Variants in DCDC1 observed in about 807,000 individuals in gnomAD.
The protein encoded by DCDC1 is doublecortin domain containing 1, also known as doublecortin domain-containing protein 1.
DCDC1 carries 200 observed loss-of-function variants against 178.3 expected under a neutral mutation model. The ratio of observed to expected loss-of-function variants is 1.12; its 90% CI spans 1.00 to 1.26. The LOEUF is 1.26. DCDC1 is among the 50% of genes most tolerant of loss of function. The probability of loss-of-function intolerance (pLI) is 0.00; values close to 1 mark genes in which losing one functional copy is unlikely to be tolerated. For synonymous variants in DCDC1, 690 were observed against 604.8 expected (o/e 1.14, Z -2.07); for missense variants, 1,983 against 1,749.2 (o/e 1.13, Z -2.38).
At chr11:31,257,256 G>A (rs907649604) in intron 8 of DCDC1, among the ~76,000 whole-genome samples, 8 of 152,134 alleles carry the variant, frequency 5.3e-5, no homozygotes, top group Admixed American at 4.6e-4. Context: ...GGCCAAAAAA[G>A]AAATGTGGAT....
At chr11:30,945,726 AT>A (rs1947986766) in intron 21 of DCDC1, among the ~76,000 whole-genome samples, 1 of 148,072 alleles carries the variant, frequency 6.8e-6, no homozygotes, top group Non-Finnish European at 1.5e-5. Flanking sequence ...CTATCTATCT[AT>A]CTATCTATCT....
rs370494336 is a variant in DCDC1 at position 31,106,914 on chromosome 11, G to A, written c.1634C>T (p.Pro545Leu). The A allele has an allele frequency of 2.0e-5, 15 of 765,904 alleles. No homozygotes were observed. The highest frequency in any genetic ancestry group is 8.5e-5 in the Admixed American group (5 of 58,886). The allele number at this position is 765,904 out of a possible 1,614,324, so 47.4% of individuals were successfully genotyped here. A position where few individuals can be genotyped will look rare whatever the true frequency, so the allele number is the denominator to read the frequency against. ...HQRLQGSSIN[P>L]PGLNYSSMRL... ...CATTGAAGAATAATTGAGGCCTGGT[G>A]GGTTGATGGAAGAACCTTGAAGCCT... Residue 545 changes from proline (P) to leucine (L), a missense_variant, in exon 13 of 39, where the codon CCA becomes CTA. By Grantham distance (98) the Pro-to-Leu change is moderately conservative (BLOSUM62 -3). Transcript: ENST00000684477.
At chr11:31,123,076 A>C (rs1961045484) in intron 11 of DCDC1, among the ~76,000 whole-genome samples, 1 of 150,340 alleles carries the variant, frequency 6.7e-6, no homozygotes, top group Non-Finnish European at 1.5e-5. Context: ...CTGTATTTAC[A>C]AAAAAAAACA....
At chr11:31,189,077 C>T (rs1969839751) in intron 9 of DCDC1, among the ~76,000 whole-genome samples, 1 of 152,138 alleles carries the variant, frequency 6.6e-6, no homozygotes, top group Non-Finnish European at 1.5e-5. Flanking sequence ...TCTGGTACTT[C>T]TCAGCCACCA....
At chr11:31,203,181 T>C (rs1052680007) in intron 9 of DCDC1, among the ~76,000 whole-genome samples, 3 of 152,020 alleles carry the variant, frequency 2.0e-5, no homozygotes, top group Non-Finnish European at 2.9e-5. Context: ...CAATGAAAGA[T>C]GAATCAATCT....
chr11:30,999,368 G>A (rs1053589817), intron 20 of DCDC1, among the ~76,000 whole-genome samples: 1 of 152,162 alleles, frequency 6.6e-6, no homozygotes, highest in African/African-American at 2.4e-5. Context: ...TGAAAGAGCT[G>A]TAGGAACTCT....
chr11:31,238,446 TG>T (rs1227309385), intron 9 of DCDC1, among the ~76,000 whole-genome samples: 4 of 152,104 alleles, frequency 2.6e-5, no homozygotes, highest in African/African-American at 9.7e-5. Context: ...TCCTTAGCTG[TG>T]TTAGGCCTAT....
chr11:31,188,389 C>T (rs953914448), intron 9 of DCDC1, among the ~76,000 whole-genome samples: 4 of 152,068 alleles, frequency 2.6e-5, no homozygotes, highest in South Asian at 2.1e-4. Flanking sequence ...AGTGCATCTA[C>T]GCATCAGGAA....
intron 18 of DCDC1, among the ~76,000 whole-genome samples, chr11:31,068,855 ATT>A (rs201114514): frequency 1.3e-3 from 186 of 145,226 alleles, no homozygotes; most frequent in African/African-American, 4.2e-3. Context: ...TCATTAATGT[ATT>A]TTTTTTTTTT....
At chr11:30,982,696 T>C (rs776666014) in intron 20 of DCDC1, among the ~76,000 whole-genome samples, 3 of 151,982 alleles carry the variant, frequency 2.0e-5, no homozygotes, top group Non-Finnish European at 4.4e-5. Flanking sequence ...TGCCCACAGA[T>C]TTGATAGTCT....
At chr11:31,024,098 T>C (rs574866319) in intron 20 of DCDC1, among the ~76,000 whole-genome samples, 2 of 152,096 alleles carry the variant, frequency 1.3e-5, no homozygotes, top group African/African-American at 2.4e-5. Context: ...ATTTTGTCCA[T>C]AAAAACAAGA....
intron 9 of DCDC1, among the ~76,000 whole-genome samples, chr11:31,180,440 G>A (rs1968634881): frequency 6.6e-6 from 1 of 152,188 alleles, no homozygotes. Context: ...GCTCCGGTCT[G>A]CAGCTCTCAG....
chr11:30,976,087 A>T (rs924386238), intron 20 of DCDC1, among the ~76,000 whole-genome samples: 1 of 152,070 alleles, frequency 6.6e-6, no homozygotes, highest in Non-Finnish European at 1.5e-5. Context: ...CTTGACAAAG[A>T]TGCTAAGAAC....
At chr11:31,298,216 C>T (rs974881880) in intron 6 of DCDC1, among the ~76,000 whole-genome samples, 1 of 152,124 alleles carries the variant, frequency 6.6e-6, no homozygotes, top group African/African-American at 2.4e-5. Context: ...GAATCACTAC[C>T]TTGTTGATAG....
intron 10 of DCDC1, among the ~76,000 whole-genome samples, chr11:31,133,904 T>C (rs1218223954): frequency 6.6e-6 from 1 of 152,150 alleles, no homozygotes; most frequent in South Asian, 2.1e-4. Flanking sequence ...GGTTTCACTA[T>C]GTTGGCCAGG....
intron 9 of DCDC1, among the ~76,000 whole-genome samples, chr11:31,176,407 T>C (rs1968030222): frequency 6.6e-6 from 1 of 152,026 alleles, no homozygotes; most frequent in African/African-American, 2.4e-5. Flanking sequence ...TAGAACATCG[T>C]TAAACAAAGA....
At chr11:31,158,307 C>T (rs208094) in intron 9 of DCDC1, among the ~76,000 whole-genome samples, 85,105 of 150,588 alleles carry the variant, frequency 0.57, 24,948 homozygotes, top group East Asian at 0.93. Context: ...TTAGTAGAGA[C>T]GGGGTTTCAC....
intron 2 of DCDC1, among the ~76,000 whole-genome samples, chr11:31,334,099 ACTTCT>A (rs1410124886): frequency 1.3e-5 from 2 of 151,698 alleles, no homozygotes; most frequent in Non-Finnish European, 2.9e-5. Context: ...TTTTCTCTAA[ACTTCT>A]CTTCTCACTT....
chr11:30,938,301 G>A (rs113851950), intron 21 of DCDC1, among the ~76,000 whole-genome samples: 54 of 152,076 alleles, frequency 3.6e-4, no homozygotes, highest in African/African-American at 1.2e-3. Context: ...CACGAGCCAA[G>A]CCGTGCTGTG....
Sources: gnomAD v4.1 joint callset for allele counts (sites outside exome capture counted in the v4.1 genomes callset) on GRCh38, gnomAD v4.1.1 for gene constraint, MANE v1.5 for transcripts, NCBI Gene and HGNC (gene_info 2026-07-23, HGNC 2026-07-21) for gene names.